CACNB2: variants seen among roughly 807,000 people sequenced by gnomAD.
CACNB2 encodes the protein voltage-dependent L-type calcium channel subunit beta-2.
A neutral mutation model predicts 73.3 loss-of-function variants in CACNB2; 42 were observed. The ratio of observed to expected loss-of-function variants is 0.57; its 90% CI spans 0.45 to 0.74. The LOEUF (loss-of-function observed/expected upper bound fraction) is 0.74. Ranked by LOEUF, CACNB2 falls within the 30% of genes least tolerant of loss-of-function variation. The pLI is 0.00. For synonymous variants in CACNB2, 348 were observed against 310.3 expected, an observed-to-expected ratio of 1.12 and a Z score of -1.28; for missense variants, 940 against 853.0, an observed-to-expected ratio of 1.10 and a Z score of -1.27.
In CACNB2 at chr10:18,227,409, G is replaced by GA. The variant is rs199810255; in HGVS notation, c.213+76442dup. On this transcript the variant is annotated intron_variant, in intron 2 of 13. Coordinates refer to ENST00000324631, the MANE Select transcript of CACNB2 (RefSeq NM_201596.3). ...GGTATGCAGTCAAAGAGAGATAGGAGAAAAAAAATACCCCAGCTCGGAATG... is the reference window on the plus strand; with the variant it reads ...GGTATGCAGTCAAAGAGAGATAGGAGAAAAAAAAATACCCCAGCTCGGAATG... 6.8e-3 allele frequency among the ~76,000 whole-genome samples: 1,026 copies of GA among 151,900 alleles called. 14 individuals are homozygous for GA. The highest frequency in any genetic ancestry group is 0.024 in the African/African-American group (976 of 41,400).
intron 2 of CACNB2, among the ~76,000 whole-genome samples, chr10:18,158,730 C>T (rs2032237066): frequency 6.6e-6 from 1 of 151,978 alleles, no homozygotes; most frequent in Non-Finnish European, 1.5e-5. Flanking sequence ...TATTTTAGAG[C>T]CAAAATCTAA....
intron 3 of CACNB2, among the ~76,000 whole-genome samples, chr10:18,446,998 G>T (rs970116958): frequency 1.1e-4 from 16 of 152,050 alleles, no homozygotes; most frequent in Non-Finnish European, 2.1e-4. Flanking sequence ...GGTTGAGGCT[G>T]CAGTGAGGCT....
intron 3 of CACNB2, among the ~76,000 whole-genome samples, chr10:18,425,937 T>C (rs2045576621): frequency 6.6e-6 from 1 of 152,136 alleles, no homozygotes; most frequent in South Asian, 2.1e-4. Context: ...TTTCCACATA[T>C]GAGTAGGTCT....
intron 3 of CACNB2, 46 bp downstream of exon 3, chr10:18,402,089 GC>G: frequency 6.2e-7 from 1 of 1,604,200 alleles, no homozygotes; most frequent in African/African-American, 1.3e-5. Flanking sequence ...GTTGTGCTGT[GC>G]CCCTGATAGA....
chr10:18,141,098 A>T, intron 1 of CACNB2: 1 of 1,548,338 alleles, frequency 6.5e-7, no homozygotes, highest in African/African-American at 1.4e-5. Flanking sequence ...GGCGGGGGAG[A>T]CCTGCCAGTC....
At chr10:18,366,102 CT>C (rs1301324190) in intron 2 of CACNB2, among the ~76,000 whole-genome samples, 5 of 152,182 alleles carry the variant, frequency 3.3e-5, no homozygotes, top group Admixed American at 3.3e-4. Flanking sequence ...GGAATGTTGG[CT>C]GGTTCTACCT....
rs71507267 is a variant in CACNB2, at chr10:18,407,109, C to CTTTTTTTTTTTTTTTTTTTTTT, written c.333+5076_333+5097dup. 3.2e-3 allele frequency among the ~76,000 whole-genome samples: 114 copies of CTTTTTTTTTTTTTTTTTTTTTT among 35,614 alleles called. 35 individuals carry two copies. Among genetic ancestry groups the CTTTTTTTTTTTTTTTTTTTTTT allele is most frequent in the Non-Finnish European group, 4.3e-3 (83 of 19,390 alleles). 23.4% of individuals were successfully genotyped at this position (35,614 alleles called of 152,430 possible). On this transcript the variant is annotated intron_variant, in intron 3 of 13. Coordinates refer to ENST00000324631, the MANE Select transcript of CACNB2 (RefSeq NM_201596.3). ...CTAAAGTCCAGACCTGCTGTTCTGT[C>CTTTTTTTTTTTTTTTTTTTTTT]TTTTTTTTTTTTTTTTTTTTTTTTT...
At chr10:18,466,246 T>G (rs2047877337) in intron 3 of CACNB2, among the ~76,000 whole-genome samples, 1 of 152,162 alleles carries the variant, frequency 6.6e-6, no homozygotes. Flanking sequence ...TATATATTTT[T>G]TATTTTTTAG....
At chr10:18,357,647 A>G (rs566597924) in intron 2 of CACNB2, among the ~76,000 whole-genome samples, 5 of 152,370 alleles carry the variant, frequency 3.3e-5, no homozygotes, top group African/African-American at 1.2e-4. Context: ...ACTTGTACTC[A>G]TATCCAAAAA....
chr10:18,267,580 T>C (rs912078394), intron 2 of CACNB2, among the ~76,000 whole-genome samples: 9 of 152,180 alleles, frequency 5.9e-5, no homozygotes, highest in Non-Finnish European at 1.2e-4. Context: ...CACTCCAGCC[T>C]GGGTGACAGA....
At chr10:18,284,730 T>TATG (rs2038711159) in intron 2 of CACNB2, among the ~76,000 whole-genome samples, 1 of 152,216 alleles carries the variant, frequency 6.6e-6, no homozygotes, top group African/African-American at 2.4e-5. Context: ...TGAAAATTGT[T>TATG]AGATTATTTT....
chr10:18,243,752 C>T (rs560362118), intron 2 of CACNB2, among the ~76,000 whole-genome samples: 103 of 152,276 alleles, frequency 6.8e-4, no homozygotes, highest in African/African-American at 2.5e-3. Context: ...ACACCTGATC[C>T]CCTTCCGGCT....
chr10:18,264,366 C>T (rs965415303), intron 2 of CACNB2, among the ~76,000 whole-genome samples: 6 of 152,084 alleles, frequency 3.9e-5, no homozygotes, highest in African/African-American at 9.7e-5. Context: ...GTACTATTAT[C>T]GAAGTATAAC....
At chr10:18,249,196 G>C (rs1483719662) in intron 2 of CACNB2, among the ~76,000 whole-genome samples, 1 of 151,912 alleles carries the variant, frequency 6.6e-6, no homozygotes, top group Non-Finnish European at 1.5e-5. Flanking sequence ...CCACCCACTG[G>C]TACCCAAATC....
chr10:18,206,399 G>A (rs1354167027), intron 2 of CACNB2: 1 of 152,560 alleles, frequency 6.6e-6, no homozygotes, highest in East Asian at 1.9e-4. Flanking sequence ...CACTGCTCGG[G>A]CTATTGCCTG....
chr10:18,209,279 G>C (rs2035223235), intron 2 of CACNB2, among the ~76,000 whole-genome samples: 1 of 152,134 alleles, frequency 6.6e-6, no homozygotes, highest in Admixed American at 6.5e-5. Context: ...GGAGCACTGA[G>C]TTTATTATTT....
intron 2 of CACNB2, among the ~76,000 whole-genome samples, chr10:18,222,811 C>T (rs1161320578): frequency 2.6e-5 from 4 of 152,152 alleles, no homozygotes; most frequent in Non-Finnish European, 5.9e-5. Flanking sequence ...GTGGTGGACG[C>T]CTGTAATCCC....
intron 9 of CACNB2, among the ~76,000 whole-genome samples, chr10:18,522,872 T>C (rs1365794557): frequency 4.7e-5 from 4 of 85,630 alleles, no homozygotes; most frequent in Admixed American, 1.7e-4. Flanking sequence ...AGTGAGACTC[T>C]GTCTCAAAAA....
intron 2 of CACNB2, among the ~76,000 whole-genome samples, chr10:18,396,953 G>T (rs1185465523): frequency 6.6e-6 from 1 of 152,090 alleles, no homozygotes; most frequent in Non-Finnish European, 1.5e-5. Flanking sequence ...TCAAGAACAT[G>T]GCTTTAAGAC....
Sources: gnomAD v4.1 joint callset for allele counts (sites outside exome capture counted in the v4.1 genomes callset) on GRCh38, gnomAD v4.1.1 for gene constraint, MANE v1.5 for transcripts, NCBI Gene and HGNC (gene_info 2026-07-23, HGNC 2026-07-21) for gene names.